SRPK2: variants seen among roughly 807,000 people sequenced by gnomAD.
SRPK2 encodes SRSF protein kinase 2.
In SRPK2, 21 loss-of-function variants were observed where a neutral mutation model predicts 90.8. The ratio of observed to expected loss-of-function variants is 0.23; its 90% CI spans 0.16 to 0.33. The LOEUF (loss-of-function observed/expected upper bound fraction) is 0.33. Among genes scored for constraint, SRPK2 ranks in the 10% least tolerant of loss-of-function variants. SRPK2 has a pLI of 1.00. For missense variants in SRPK2, 620 were observed against 869.0 expected, an observed-to-expected ratio of 0.71 and a Z score of 3.60; for synonymous variants, 288 against 311.1, an observed-to-expected ratio of 0.93 and a Z score of 0.78.
Position 105,244,656 on chromosome 7 carries a change from C to T in SRPK2, c.72-40871G>A. 3.4e-6 allele frequency: 3 copies of T among 884,186 alleles called. No homozygotes were observed. In the Admixed American group the frequency reaches 6.0e-5, roughly 18 times the overall value. 54.8% of individuals were successfully genotyped at this position (884,186 alleles called of 1,614,324 possible). A position where few individuals can be genotyped will look rare whatever the true frequency, so the allele number is the denominator to read the frequency against. ...CGCCTTTGGAGAGCAGCAGCCCTGG[C>T]TCTGCGCTACCCTATGGCCGTGGGC... On this transcript the variant is annotated intron_variant, in intron 2 of 15. Transcript: ENST00000393651.
At chr7:105,326,581 C>T (rs915742791) in intron 2 of SRPK2, among the ~76,000 whole-genome samples, 5 of 152,096 alleles carry the variant, frequency 3.3e-5, no homozygotes, top group African/African-American at 7.2e-5. Context: ...TGCATGTATG[C>T]CACTTATTAA....
intron 3 of SRPK2, among the ~76,000 whole-genome samples, chr7:105,191,475 T>C (rs1794271067): frequency 6.6e-6 from 1 of 152,150 alleles, no homozygotes; most frequent in Non-Finnish European, 1.5e-5. Flanking sequence ...GGAGGATAGC[T>C]TGAGCCTGGG....
chr7:105,329,212 T>C (rs575825652), intron 2 of SRPK2, among the ~76,000 whole-genome samples: 1 of 152,154 alleles, frequency 6.6e-6, no homozygotes, highest in Non-Finnish European at 1.5e-5. Flanking sequence ...TCATCTAATT[T>C]ATTCTCTCAC....
chr7:105,276,389 G>A (rs1421551174), intron 2 of SRPK2, among the ~76,000 whole-genome samples: 1 of 151,926 alleles, frequency 6.6e-6, no homozygotes. Context: ...CCATAAGGAA[G>A]ATTTTTAAAA....
intron 2 of SRPK2, among the ~76,000 whole-genome samples, chr7:105,228,139 T>G (rs1798951701): frequency 6.6e-6 from 1 of 152,186 alleles, no homozygotes; most frequent in Non-Finnish European, 1.5e-5. Context: ...TCTCTTGGGC[T>G]CAGCCTCCCA....
chr7:105,390,610 T>TTTG (rs1439594628), upstream of SRPK2, among the ~76,000 whole-genome samples: 993 of 128,468 alleles, frequency 7.7e-3, 3 homozygotes, highest in Non-Finnish European at 0.012. Context: ...TGTTTTTGTT[T>TTTG]TTTTTTTTTT....
chr7:105,387,507 TTTC>T (rs1041076849), intron 2 of SRPK2, among the ~76,000 whole-genome samples: 3 of 137,788 alleles, frequency 2.2e-5, no homozygotes, highest in East Asian at 3.2e-4. Context: ...CTAATGGTTT[TTTC>T]TTTTTTTTTT....
At chr7:105,251,192 A>G (rs936081899) in intron 2 of SRPK2, among the ~76,000 whole-genome samples, 3 of 152,206 alleles carry the variant, frequency 2.0e-5, no homozygotes, top group Non-Finnish European at 2.9e-5. Context: ...TTTTCCTTCA[A>G]CAAAAGGCAC....
chr7:105,293,271 T>C (rs753523316), intron 2 of SRPK2, among the ~76,000 whole-genome samples: 4 of 149,984 alleles, frequency 2.7e-5, no homozygotes, highest in Admixed American at 6.7e-5. Context: ...TGAAACTCCA[T>C]CTCAAAAAAA....
chr7:105,303,714 C>G (rs994959095), intron 2 of SRPK2, among the ~76,000 whole-genome samples: 24 of 152,058 alleles, frequency 1.6e-4, no homozygotes, highest in African/African-American at 5.8e-4. Context: ...TCCCTTAAAT[C>G]AAGTCTCATC....
chr7:105,255,939 AAGAG>A (rs756378956), intron 2 of SRPK2, among the ~76,000 whole-genome samples: 11 of 129,574 alleles, frequency 8.5e-5, no homozygotes, highest in Middle Eastern at 4.1e-3. Context: ...AAAAAAAAAA[AAGAG>A]AGAGAGCGAG....
chr7:105,389,416 C>T, upstream of SRPK2: 1 of 1,217,104 alleles, frequency 8.2e-7, no homozygotes, highest in Non-Finnish European at 1.1e-6. Flanking sequence ...GGGCACACGA[C>T]CAAAAGCTGG....
chr7:105,204,144 T>C (rs948641308), intron 2 of SRPK2, among the ~76,000 whole-genome samples: 6 of 152,200 alleles, frequency 3.9e-5, no homozygotes, highest in Non-Finnish European at 8.8e-5. Flanking sequence ...TATAGCCTTA[T>C]TGGTTAGAAA....
At position 105,136,980 on chromosome 7, in the gene SRPK2, C is replaced by T. The variant is rs190750333; in HGVS notation, c.1544-3876G>A. ...AAGGCAAATAAACGAGGAATCCACA[C>T]ATCCTGTCAGGTAGCTAAACAGGCT... is the stretch of plus-strand genomic sequence containing the variant. On this transcript the variant is annotated intron_variant, in intron 11 of 15. Coordinates refer to ENST00000393651, the MANE Select transcript of SRPK2 (RefSeq NM_182692.3). Among the ~76,000 whole-genome samples the T allele has an allele frequency of 2.6e-5, 4 of 152,310 alleles. No individual in the cohort carries two copies. In the East Asian group the frequency reaches 7.7e-4, roughly 29 times the overall value.
intron 2 of SRPK2, among the ~76,000 whole-genome samples, chr7:105,289,913 G>C (rs774202436): frequency 2.0e-5 from 3 of 151,854 alleles, no homozygotes; most frequent in Non-Finnish European, 4.4e-5. Flanking sequence ...GAACATTGTA[G>C]GATTATGAAT....
chr7:105,151,078 A>C (rs953902896), intron 7 of SRPK2, among the ~76,000 whole-genome samples: 1 of 152,184 alleles, frequency 6.6e-6, no homozygotes, highest in African/African-American at 2.4e-5. Flanking sequence ...ATCTCAGTAA[A>C]AACTTAAAGT....
intron 2 of SRPK2, among the ~76,000 whole-genome samples, chr7:105,343,235 C>A (rs1816036130): frequency 6.6e-6 from 1 of 152,106 alleles, no homozygotes; most frequent in African/African-American, 2.4e-5. Context: ...GAATTTAAGA[C>A]CAGCCTGGGC....
At chr7:105,242,804 G>A (rs561807196) in intron 2 of SRPK2, among the ~76,000 whole-genome samples, 2 of 152,278 alleles carry the variant, frequency 1.3e-5, no homozygotes, top group South Asian at 4.2e-4. Flanking sequence ...GAGTCTCGAG[G>A]CAAGCCGGAT....
chr7:105,276,685 C>T (rs924335647), intron 2 of SRPK2, among the ~76,000 whole-genome samples: 9 of 152,038 alleles, frequency 5.9e-5, no homozygotes, highest in Admixed American at 1.3e-4. Flanking sequence ...CTGCAGTTTA[C>T]CAAGACTGCA....
Sources: gnomAD v4.1 joint callset for allele counts (sites outside exome capture counted in the v4.1 genomes callset) on GRCh38, gnomAD v4.1.1 for gene constraint, MANE v1.5 for transcripts, NCBI Gene and HGNC (gene_info 2026-07-23, HGNC 2026-07-21) for gene names.